Variants in DOK7 observed in about 807,000 individuals in gnomAD.
DOK7 encodes the protein docking protein 7, also known as protein Dok-7.
A neutral mutation model predicts 30.7 loss-of-function variants in DOK7; 32 were observed. The ratio of observed to expected loss-of-function variants is 1.04; its 90% CI spans 0.79 to 1.40. The LOEUF (loss-of-function observed/expected upper bound fraction) is 1.40. DOK7 is among the 40% of genes most tolerant of loss of function. The pLI is 0.00. For synonymous variants in DOK7, 447 were observed against 324.1 expected, an observed-to-expected ratio of 1.38 and a Z score of -4.07; for missense variants, 1,007 against 699.2, an observed-to-expected ratio of 1.44 and a Z score of -4.97.
chr4:3,490,758 A>ATTCATTCCTTCCCCCCTGCTCATTCC (rs1728305132), intron 6 of DOK7, among the ~76,000 whole-genome samples: 1 of 87,366 alleles, frequency 1.1e-5, no homozygotes, highest in Non-Finnish European at 2.0e-5. Flanking sequence ...CCTCCTGCTC[A>ATTCATTCCTTCCCCCCTGCTCATTCC]TTCCTTCTTT....
intron 5 of DOK7, 27 bp downstream of exon 5, chr4:3,485,685 G>A (rs751797398): frequency 6.5e-7 from 1 of 1,529,076 alleles, no homozygotes; most frequent in Non-Finnish European, 8.8e-7. Context: ...GGCCGGCCGG[G>A]GAGGGTGCGC....
intron 2 of DOK7, among the ~76,000 whole-genome samples, chr4:3,468,932 C>T (rs13114082): frequency 0.15 from 21,168 of 140,812 alleles, 1,605 homozygotes; most frequent in Middle Eastern, 0.2. Context: ...TATGAGTGTG[C>T]GTGCTTTTGT....
chr4:3,469,376 A>G (rs1262317253), intron 2 of DOK7, among the ~76,000 whole-genome samples: 3 of 152,120 alleles, frequency 2.0e-5, no homozygotes, highest in Non-Finnish European at 4.4e-5. Flanking sequence ...AAGTTCTGCA[A>G]AAGCCTTCCC....
At chr4:3,497,666 C>T (rs551368151), downstream of DOK7, among the ~76,000 whole-genome samples, 25 of 151,196 alleles carry the variant, frequency 1.7e-4, no homozygotes, top group South Asian at 5.1e-3. Flanking sequence ...TACAGGGGGG[C>T]GGGGTCCAGG....
downstream of DOK7, among the ~76,000 whole-genome samples, chr4:3,495,118 G>A (rs1306414572): frequency 6.6e-6 from 1 of 152,158 alleles, no homozygotes; most frequent in Non-Finnish European, 1.5e-5. Context: ...CCCTCTCTGA[G>A]CCTCAGTTTC....
intron 6 of DOK7, chr4:3,500,136 AG>A: frequency 7.8e-7 from 1 of 1,277,074 alleles, no homozygotes; most frequent in Non-Finnish European, 1.1e-6. Flanking sequence ...AAGGTGCAGG[AG>A]AGGCGGAGTG....
At chr4:3,472,360 CA>C (rs1310072044) in intron 2 of DOK7, among the ~76,000 whole-genome samples, 1 of 152,370 alleles carries the variant, frequency 6.6e-6, no homozygotes, top group East Asian at 1.9e-4. Flanking sequence ...TCTTCGGGGA[CA>C]TTCTCCCCAA....
intron 6 of DOK7, among the ~76,000 whole-genome samples, chr4:3,491,499 C>T (rs62272675): frequency 0.69 from 104,778 of 151,106 alleles, 37,095 homozygotes; most frequent in East Asian, 0.93. Context: ...CTTGTCCCTC[C>T]GCTTATTCCT....
At chr4:3,497,190 T>C (rs1577190647), downstream of DOK7, among the ~76,000 whole-genome samples, 1 of 151,382 alleles carries the variant, frequency 6.6e-6, no homozygotes, top group Non-Finnish European at 1.5e-5. Flanking sequence ...CAGACTGGGG[T>C]CCACGGGTCC....
intron 5 of DOK7, among the ~76,000 whole-genome samples, chr4:3,486,961 A>C (rs1459311646): frequency 1.3e-5 from 2 of 152,118 alleles, no homozygotes; most frequent in Non-Finnish European, 2.9e-5. Context: ...AGTACTGGGC[A>C]GAGGATGCCA....
downstream of DOK7, among the ~76,000 whole-genome samples, chr4:3,497,791 C>T (rs1728996170): frequency 6.6e-6 from 1 of 152,110 alleles, no homozygotes; most frequent in African/African-American, 2.4e-5. Context: ...AAGCCCCCAC[C>T]AGTCTGCCTT....
intron 6 of DOK7, among the ~76,000 whole-genome samples, chr4:3,490,065 C>CT: frequency 1.5e-5 from 2 of 135,060 alleles, no homozygotes; most frequent in Non-Finnish European, 3.2e-5. Flanking sequence ...TTCCTTCCTC[C>CT]CCCCATTCCT....
chr4:3,471,690 G>A (rs900960240), intron 2 of DOK7, among the ~76,000 whole-genome samples: 5 of 152,238 alleles, frequency 3.3e-5, no homozygotes, highest in South Asian at 2.1e-4. Context: ...TTCCGATTAC[G>A]CCGCTGTGTT....
At chr4:3,489,231 G>A (rs1289963084) in intron 5 of DOK7, among the ~76,000 whole-genome samples, 2 of 152,164 alleles carry the variant, frequency 1.3e-5, no homozygotes, top group African/African-American at 4.8e-5. Context: ...ACTGCAAGGT[G>A]GGCGGGCATT....
At chr4:3,469,533 C>T (rs1272534706) in intron 2 of DOK7, among the ~76,000 whole-genome samples, 1 of 152,158 alleles carries the variant, frequency 6.6e-6, no homozygotes, top group Non-Finnish European at 1.5e-5. Context: ...GAGAGACTCC[C>T]AGGTGCCCAG....
intron 4 of DOK7, among the ~76,000 whole-genome samples, chr4:3,481,118 G>A (rs983658190): frequency 6.6e-6 from 1 of 152,020 alleles, no homozygotes; most frequent in Admixed American, 6.6e-5. Context: ...TGAGGGTGGA[G>A]GAGGAGGAGG....
chr4:3,497,009 AAGTGGTTGTTGGCTGAC>A (rs1560239350), downstream of DOK7: 4 of 878,136 alleles, frequency 4.6e-6, no homozygotes, highest in South Asian at 5.0e-5. Flanking sequence ...AATGTGGTGA[AAGTGGTTGTTGGCTGAC>A]AGTGGATGTT....
intron 2 of DOK7, among the ~76,000 whole-genome samples, chr4:3,465,759 G>A (rs779506599): frequency 5.9e-5 from 9 of 152,228 alleles, no homozygotes; most frequent in African/African-American, 1.2e-4. Context: ...GTGGGACCAC[G>A]TTCCTCAATG....
downstream of DOK7, among the ~76,000 whole-genome samples, chr4:3,495,613 C>T (rs1252961027): frequency 6.6e-6 from 1 of 152,248 alleles, no homozygotes; most frequent in Non-Finnish European, 1.5e-5. Flanking sequence ...CCTCAGTACC[C>T]AGTTCCCAGG....
Sources: allele counts gnomAD v4.1 joint callset (sites outside exome capture counted in the v4.1 genomes callset), GRCh38; gene constraint gnomAD v4.1.1; transcripts MANE v1.5; gene names NCBI Gene and HGNC (gene_info 2026-07-23, HGNC 2026-07-21).